NFIB: variants seen among roughly 807,000 people sequenced by gnomAD.
The protein encoded by NFIB is nuclear factor 1 B-type.
NFIB carries 11 observed loss-of-function variants against 61.5 expected under a neutral mutation model. The ratio of observed to expected loss-of-function variants is 0.18; its 90% CI spans 0.11 to 0.30. The LOEUF is 0.30. NFIB is among the 10% of genes least tolerant of loss of function. The probability of loss-of-function intolerance (pLI) is 1.00; values close to 1 mark genes in which losing one functional copy is unlikely to be tolerated. For synonymous variants in NFIB, 260 were observed against 216.5 expected (o/e 1.20, Z -1.76); for missense variants, 471 against 608.9 (o/e 0.77, Z 2.38).
chr9:14,433,640 C>T, the NFIB span, among the ~76,000 whole-genome samples: 1 of 152,080 alleles, frequency 6.6e-6, no homozygotes, highest in Non-Finnish European at 1.5e-5. Flanking sequence ...GCAGACTTGA[C>T]GAGTCTGCTC....
chr9:14,313,678 A>AT lies in NFIB; in HGVS notation c.-168dup. On this transcript the variant is annotated 5_prime_UTR_variant, in exon 1 of 11. Transcript: ENST00000380953. The surrounding 1 kb of genome is among the most constrained non-coding windows in gnomAD (Gnocchi z 4.5). ...TCACAACAAACCCAGTCCTCCTTAA[A>AT]TAGCCAAAGATTCAAGTTCACTCGG... The AT allele has an allele frequency of 6.9e-7, 1 of 1,441,472 alleles. No individual in the cohort carries two copies. The highest frequency in any genetic ancestry group is 1.4e-5 in the South Asian group (1 of 69,264). The allele number at this position is 1,441,472 out of a possible 1,614,324, so 89.3% of individuals were successfully genotyped here.
chr9:14,413,279 C>T, the NFIB span, among the ~76,000 whole-genome samples: 2 of 152,134 alleles, frequency 1.3e-5, no homozygotes, highest in Non-Finnish European at 2.9e-5. Flanking sequence ...CAGTATCAGG[C>T]ATATTTAAAT....
intron 6 of NFIB, among the ~76,000 whole-genome samples, chr9:14,131,908 C>T (rs1388055991): frequency 6.6e-6 from 1 of 152,026 alleles, no homozygotes; most frequent in Admixed American, 6.5e-5. Flanking sequence ...TTAACACCTG[C>T]CTGTCTGGGA....
intron 1 of NFIB, among the ~76,000 whole-genome samples, chr9:14,333,258 A>C (rs2060843376): frequency 6.6e-6 from 1 of 152,232 alleles, no homozygotes; most frequent in East Asian, 1.9e-4. Flanking sequence ...CTCTTGTTTT[A>C]CAGATGAGAA....
intron 6 of NFIB, among the ~76,000 whole-genome samples, chr9:14,135,112 T>A (rs1381330219): frequency 6.6e-6 from 1 of 152,170 alleles, no homozygotes; most frequent in Non-Finnish European, 1.5e-5. Flanking sequence ...GTTATCTTTA[T>A]GTGATGAGAT....
At chr9:14,498,768 T>G in the NFIB span, among the ~76,000 whole-genome samples, 5 of 27,330 alleles carry the variant, frequency 1.8e-4, no homozygotes, top group African/African-American at 2.7e-4. Flanking sequence ...CTCATGGCCC[T>G]CCCTCCCTCC....
chr9:14,425,591 T>A, the NFIB span, among the ~76,000 whole-genome samples: 2 of 150,896 alleles, frequency 1.3e-5, no homozygotes, highest in African/African-American at 4.9e-5. Flanking sequence ...GATTGAAATT[T>A]CAGCATTGCT....
intron 1 of NFIB, chr9:14,362,480 C>T (rs1197606135): frequency 6.6e-6 from 1 of 152,200 alleles, no homozygotes; most frequent in Non-Finnish European, 1.5e-5. Context: ...TCCAAGGCTG[C>T]CTTGGGATGC....
intron 1 of NFIB, among the ~76,000 whole-genome samples, chr9:14,387,495 TAC>T (rs572980512): frequency 4.6e-5 from 7 of 152,148 alleles, no homozygotes; most frequent in Non-Finnish European, 1.0e-4. Context: ...CCAGAATACA[TAC>T]AGTCATTAAA....
chr9:14,149,281 T>G (rs10511592), intron 5 of NFIB, among the ~76,000 whole-genome samples: 28,443 of 152,120 alleles, frequency 0.19, 2,948 homozygotes, highest in South Asian at 0.36. Context: ...TCAACGAACT[T>G]TCACTACTGA....
chr9:14,457,393 G>A, the NFIB span, among the ~76,000 whole-genome samples: 1 of 152,090 alleles, frequency 6.6e-6, no homozygotes, highest in Non-Finnish European at 1.5e-5. Flanking sequence ...CTCACTAAAT[G>A]CCCATAAGAG....
At chr9:14,458,032 C>T in the NFIB span, among the ~76,000 whole-genome samples, 1 of 152,182 alleles carries the variant, frequency 6.6e-6, no homozygotes, top group Non-Finnish European at 1.5e-5. Context: ...CCAGCATCAT[C>T]CTGATACCAA....
chr9:14,492,793 G>A, the NFIB span, among the ~76,000 whole-genome samples: 2 of 152,112 alleles, frequency 1.3e-5, no homozygotes, highest in African/African-American at 4.8e-5. Context: ...TAGCAGGGAG[G>A]CCTTGCTAGG....
At chr9:14,406,424 C>G in the NFIB span, among the ~76,000 whole-genome samples, 1 of 152,174 alleles carries the variant, frequency 6.6e-6, no homozygotes, top group Non-Finnish European at 1.5e-5. Flanking sequence ...CCATGGTGAG[C>G]CATGAATCTG....
chr9:14,097,775 G>C (rs537368045), intron 10 of NFIB, among the ~76,000 whole-genome samples: 3 of 151,616 alleles, frequency 2.0e-5, no homozygotes, highest in South Asian at 2.1e-4. Context: ...TATGAACAAA[G>C]CAAGGAAAAT....
intron 6 of NFIB, among the ~76,000 whole-genome samples, chr9:14,127,183 T>A (rs1007640188): frequency 6.6e-6 from 1 of 152,234 alleles, no homozygotes; most frequent in Admixed American, 6.5e-5. Flanking sequence ...ACTGTCATCA[T>A]CTTAGTTGAC....
exon 1 of NFIB, chr9:14,398,819 C>A (rs1008970040): frequency 4.0e-6 from 2 of 506,106 alleles, no homozygotes; most frequent in African/African-American, 4.0e-5. Context: ...CTGTTAAAAA[C>A]AAAATAGAAC....
intron 10 of NFIB, among the ~76,000 whole-genome samples, chr9:14,100,668 T>C (rs970597886): frequency 3.3e-5 from 5 of 152,156 alleles, no homozygotes; most frequent in African/African-American, 4.8e-5. Context: ...GAGCCGAGAT[T>C]GCGCCACTGC....
Position 14,087,037 on chromosome 9 carries a change from T to C in NFIB, c.*1272A>G, listed in dbSNP as rs1221596033. ...CATTTGTTTTCTCAAGAGTGCGTTT[T>C]TATATCCTACACCCTGGCGTTCCCA... On this transcript the variant is annotated 3_prime_UTR_variant, in exon 11 of 11. Transcript: ENST00000380953. 4.9e-6 allele frequency: 1 copy of C among 203,962 alleles called. No individual in the cohort carries two copies. Among genetic ancestry groups the C allele is most frequent in the Non-Finnish European group, 1.0e-5 (1 of 99,202 alleles). 12.6% of individuals were successfully genotyped at this position (203,962 alleles called of 1,614,324 possible). A position where few individuals can be genotyped will look rare whatever the true frequency, so the allele number is the denominator to read the frequency against.
Sources: gnomAD v4.1 joint callset for allele counts (sites outside exome capture counted in the v4.1 genomes callset) on GRCh38, gnomAD v4.1.1 for gene constraint, Gnocchi (gnomAD v3.1) non-coding constraint, MANE v1.5 for transcripts, NCBI Gene and HGNC (gene_info 2026-07-23, HGNC 2026-07-21) for gene names.